COL12A1: variants seen among roughly 807,000 people sequenced by gnomAD.
COL12A1 encodes the protein collagen alpha-1(XII) chain.
COL12A1 carries 114 observed loss-of-function variants against 349.7 expected under a neutral mutation model. That is an observed-to-expected ratio of 0.33 (90% CI 0.28 to 0.38). The LOEUF (loss-of-function observed/expected upper bound fraction) is 0.38. Ranked by LOEUF, COL12A1 falls within the 10% of genes least tolerant of loss-of-function variation. COL12A1 has a pLI of 1.00. For missense variants in COL12A1, 3,284 were observed against 3,756.9 expected (o/e 0.87, Z 3.29); for synonymous variants, 1,369 against 1,329.0 (o/e 1.03, Z -0.66).
chr6:75,147,828 C>A (rs762433115), intron 22 of COL12A1, 24 bp from the exon 23 acceptor site: 2 of 1,610,048 alleles, frequency 1.2e-6, no homozygotes. Context: ...TTAAACAGAG[C>A]AACAACGTAT....
chr6:75,115,447 C>A (rs925058641), intron 49 of COL12A1, among the ~76,000 whole-genome samples: 1 of 152,070 alleles, frequency 6.6e-6, no homozygotes, highest in Non-Finnish European at 1.5e-5. Flanking sequence ...TTATTCCATC[C>A]AGTATTCTGC....
At chr6:75,191,481 T>C (rs1298367519) in intron 5 of COL12A1, among the ~76,000 whole-genome samples, 1 of 152,024 alleles carries the variant, frequency 6.6e-6, no homozygotes, top group African/African-American at 2.4e-5. Context: ...TTGAAAAGAA[T>C]ATCTAGTAAA....
chr6:75,106,113 A>G (rs1259496332), intron 53 of COL12A1, among the ~76,000 whole-genome samples: 1 of 152,180 alleles, frequency 6.6e-6, no homozygotes, highest in Non-Finnish European at 1.5e-5. Context: ...TTGTTTTGTA[A>G]AATGCTGATA....
intron 7 of COL12A1, 42 bp downstream of exon 7, chr6:75,189,175 T>C (rs56240829): frequency 1.3e-6 from 2 of 1,590,558 alleles, no homozygotes; most frequent in Non-Finnish European, 1.7e-6. Context: ...AAGTATACTG[T>C]AGGAGTTGTA....
At chr6:75,152,063 A>T in intron 19 of COL12A1, 32 bp from the exon 20 acceptor site, 1 of 1,613,790 alleles carries the variant, frequency 6.2e-7, no homozygotes, top group South Asian at 1.1e-5. Flanking sequence ...AATCAGTCAC[A>T]TCACCATTCA....
At position 75,151,454 on chromosome 6, in the gene COL12A1, A is replaced by T. The variant is rs537475030; in HGVS notation, c.4001-167T>A. ...ATATTATTTTTCTCAATAATAAAAC[A>T]GAAACAAAGGATAATACAAACTGAA... On this transcript the variant is annotated intron_variant, in intron 20 of 65. Transcript: ENST00000322507. Among the ~76,000 whole-genome samples, 12 of 152,302 alleles carry T rather than the reference A, an allele frequency of 7.9e-5. No homozygotes were observed. In the East Asian group the frequency reaches 2.3e-3, roughly 29 times the overall value.
At chr6:75,108,033 C>A (rs1345863135) in intron 52 of COL12A1, among the ~76,000 whole-genome samples, 1 of 152,120 alleles carries the variant, frequency 6.6e-6, no homozygotes, top group Non-Finnish European at 1.5e-5. Flanking sequence ...GCCAAACAGG[C>A]TAGCTTTGCT....
intron 31 of COL12A1, among the ~76,000 whole-genome samples, chr6:75,137,142 T>G (rs994058653): frequency 7.2e-5 from 11 of 152,182 alleles, no homozygotes; most frequent in African/African-American, 2.7e-4. Flanking sequence ...GATATCGTCA[T>G]GGATAATCCA....
chr6:75,109,312 T>C, intron 51 of COL12A1, 145 bp from the exon 52 acceptor site: 1 of 582,996 alleles, frequency 1.7e-6, no homozygotes, highest in Non-Finnish European at 2.9e-6. Context: ...CCAAGAGCAG[T>C]TGGCAATGTT....
intron 8 of COL12A1, among the ~76,000 whole-genome samples, chr6:75,186,135 A>AGAG (rs1243495511): frequency 6.6e-6 from 1 of 152,252 alleles, no homozygotes; most frequent in Non-Finnish European, 1.5e-5. Context: ...ATTAAATTAA[A>AGAG]GAGTTTCTGC....
intron 1 of COL12A1, among the ~76,000 whole-genome samples, chr6:75,205,309 G>A (rs1770724198): frequency 6.6e-6 from 1 of 150,654 alleles, no homozygotes; most frequent in Non-Finnish European, 1.5e-5. Context: ...GTGCAGCCTC[G>A]ACGAGCTGCA....
At chr6:75,088,785 G>C (rs1284759645) in intron 64 of COL12A1, among the ~76,000 whole-genome samples, 1 of 151,906 alleles carries the variant, frequency 6.6e-6, no homozygotes, top group East Asian at 1.9e-4. Context: ...AAGATCATGA[G>C]GTCAGGAGAT....
In COL12A1 at chr6:75,200,921, C is replaced by T. The variant is rs1361641114; in HGVS notation, c.73+1799G>A. On this transcript the variant is annotated intron_variant, in intron 2 of 65. Transcript: ENST00000322507. Reference sequence around the variant, plus strand: ...AATACTAACTTAAGGAGATGGGATACAAGAAAAGACACAGATTAAGAAGCA... The same window carrying T: ...AATACTAACTTAAGGAGATGGGATATAAGAAAAGACACAGATTAAGAAGCA... Among the ~76,000 whole-genome samples, 14 of 142,356 alleles carry T rather than the reference C, an allele frequency of 9.8e-5. 1 individual carries two copies. The highest frequency in any genetic ancestry group is 2.9e-4 in the African/African-American group (11 of 38,242). 93.4% of individuals were successfully genotyped at this position (142,356 alleles called of 152,430 possible). A position where few individuals can be genotyped will look rare whatever the true frequency, so the allele number is the denominator to read the frequency against.
chr6:75,146,413 T>C, intron 23 of COL12A1, 169 bp from the exon 24 acceptor site: 1 of 623,722 alleles, frequency 1.6e-6, no homozygotes, highest in Non-Finnish European at 2.4e-6. Flanking sequence ...AAATCCAATT[T>C]ACATTGCTCA....
At chr6:75,184,524 C>A (rs189357991) in intron 8 of COL12A1, among the ~76,000 whole-genome samples, 265 of 152,276 alleles carry the variant, frequency 1.7e-3, no homozygotes, top group African/African-American at 6.1e-3. Flanking sequence ...ATGCTTCATT[C>A]AATTCTTTAG....
chr6:75,128,880 A>C (rs11966644), intron 37 of COL12A1, among the ~76,000 whole-genome samples: 26,877 of 152,124 alleles, frequency 0.18, 2,499 homozygotes, highest in Admixed American at 0.25. Flanking sequence ...GTGAGCAAAA[A>C]TTGACTAACT....
chr6:75,146,340 C>T (rs1346260562), intron 23 of COL12A1, 96 bp from the exon 24 acceptor site: 3 of 1,276,380 alleles, frequency 2.4e-6, no homozygotes, highest in Admixed American at 6.7e-5. Flanking sequence ...TTTGTATATA[C>T]TAGACAGTGG....
chr6:75,194,775 G>A, intron 3 of COL12A1, 56 bp downstream of exon 3: 1 of 1,102,592 alleles, frequency 9.1e-7, no homozygotes, highest in Non-Finnish European at 1.3e-6. Context: ...AAGAGGTGGA[G>A]ATTGAGTTAT....
At chr6:75,128,621 C>T (rs62415671) in intron 37 of COL12A1, among the ~76,000 whole-genome samples, 196 bp from the exon 38 acceptor site, 1 of 152,160 alleles carries the variant, frequency 6.6e-6, no homozygotes, top group Non-Finnish European at 1.5e-5. Context: ...TAGAATCAGA[C>T]AGCTCTGGGT....
Sources: gnomAD v4.1 joint callset for allele counts (sites outside exome capture counted in the v4.1 genomes callset) on GRCh38, gnomAD v4.1.1 for gene constraint, MANE v1.5 for transcripts, NCBI Gene and HGNC (gene_info 2026-07-23, HGNC 2026-07-21) for gene names.